Variants in NID2 observed in about 807,000 individuals in gnomAD.
NID2 encodes nidogen 2, also known as nidogen-2.
In NID2, 83 loss-of-function variants were observed where a neutral mutation model predicts 145.4. That is an observed-to-expected ratio of 0.57 (90% CI 0.48 to 0.69). The LOEUF (loss-of-function observed/expected upper bound fraction) is 0.69, where lower values mean the gene tolerates loss of function less well. Among genes scored for constraint, NID2 ranks in the 30% least tolerant of loss-of-function variants. The pLI is 0.00. For missense variants in NID2, 1,807 were observed against 1,765.7 expected (o/e 1.02, Z -0.42); for synonymous variants, 739 against 701.3 (o/e 1.05, Z -0.85).
At chr14:52,065,090 A>AT (rs34104905) in intron 2 of NID2, among the ~76,000 whole-genome samples, 35,279 of 151,470 alleles carry the variant, frequency 0.23, 5,023 homozygotes, top group East Asian at 0.51. Flanking sequence ...ATTTGTTCAC[A>AT]TTTTTTTTTC....
intron 2 of NID2, among the ~76,000 whole-genome samples, chr14:52,065,306 T>C (rs2140437428): frequency 6.6e-6 from 1 of 152,230 alleles, no homozygotes; most frequent in Non-Finnish European, 1.5e-5. Flanking sequence ...AACTCAGTCC[T>C]TCAAGCAAAT....
intron 14 of NID2, 135 bp from the exon 15 acceptor site, chr14:52,015,410 G>T: frequency 2.7e-6 from 2 of 737,450 alleles, no homozygotes; most frequent in South Asian, 2.0e-5. Flanking sequence ...AGCCAAGCCC[G>T]TGGACACCAA....
chr14:52,062,821 T>G (rs1893057646), intron 2 of NID2, among the ~76,000 whole-genome samples: 1 of 152,208 alleles, frequency 6.6e-6, no homozygotes, highest in Non-Finnish European at 1.5e-5. Context: ...ATTTTATTCA[T>G]TCATTCATTC....
intron 5 of NID2, 151 bp downstream of exon 5, chr14:52,053,428 T>A (rs8019428): frequency 0.039 from 32,915 of 839,024 alleles, 773 homozygotes; most frequent in African/African-American, 0.06. Context: ...GGAAATTTAC[T>A]CTATCTCTTG....
chr14:52,066,757 A>G (rs927963311), intron 2 of NID2, among the ~76,000 whole-genome samples: 3 of 152,204 alleles, frequency 2.0e-5, no homozygotes, highest in African/African-American at 4.8e-5. Flanking sequence ...GAGATGAATC[A>G]TATGGTTTCA....
chr14:52,020,097 T>G lies in NID2; in HGVS notation c.2756A>C (p.Gln919Pro). ...AAATCCATCCCCATAATATCCGGGT[T>G]GACAACGGCAGGAGAAGGAACCAGG... ...NTPGSFSCRC[Q>P]PGYYGDGFQC... The change falls in exon 13 of 22, where the codon CAA (glutamine) becomes CCA (proline). Residue 919 changes from glutamine to proline, a missense_variant. By Grantham distance (76) the Gln-to-Pro change is moderately conservative (BLOSUM62 -1). Transcript: ENST00000216286. 1 of 1,614,150 alleles carries G rather than the reference T, an allele frequency of 6.2e-7. No homozygotes were observed. Among genetic ancestry groups the G allele is most frequent in the Non-Finnish European group, 8.5e-7 (1 of 1,179,974 alleles).
intron 13 of NID2, among the ~76,000 whole-genome samples, chr14:52,019,667 C>T (rs892579772): frequency 6.6e-6 from 1 of 151,862 alleles, no homozygotes; most frequent in Non-Finnish European, 1.5e-5. Context: ...TCACCACTCA[C>T]GAGACTGCAC....
rs779550100 is a variant in NID2, at chr14:52,010,921, G to C, written c.3677C>G (p.Thr1226Arg). 6.2e-7 allele frequency: 1 copy of C among 1,613,806 alleles called. No individual in the cohort carries two copies. The highest frequency in any genetic ancestry group is 1.3e-5 in the African/African-American group (1 of 74,934). ...GATGGCACGGGGATTCACCAGATCT[G>C]TGTAGAAGAGGACCTTGCGCTCAGA... ...DGSERKVLFY[T>R]DLVNPRAIAV... Residue 1226 changes from threonine to arginine, a missense_variant, in exon 18 of 22, where the codon ACA (threonine) becomes AGA (arginine). Physicochemically the swap from Thr to Arg is moderately conservative, Grantham distance 71 (BLOSUM62 -1). Coordinates refer to ENST00000216286, the MANE Select transcript of NID2 (RefSeq NM_007361.4).
At chr14:52,051,586 C>T (rs1892681349) in intron 5 of NID2, among the ~76,000 whole-genome samples, 1 of 152,226 alleles carries the variant, frequency 6.6e-6, no homozygotes, top group Admixed American at 6.5e-5. Context: ...CCGGAGGAAG[C>T]CCACACTTAC....
intron 9 of NID2, among the ~76,000 whole-genome samples, chr14:52,030,501 G>GAGAA (rs1202413800): frequency 1.4e-4 from 5 of 34,936 alleles, no homozygotes; most frequent in African/African-American, 4.4e-4. Flanking sequence ...AAGAAAGAAA[G>GAGAA]AGAAAGAAAG....
intron 3 of NID2, among the ~76,000 whole-genome samples, chr14:52,058,815 G>T (rs2140429040): frequency 6.6e-6 from 1 of 152,070 alleles, no homozygotes; most frequent in African/African-American, 2.4e-5. Context: ...CTTGGCCATT[G>T]TGACCTCTCT....
chr14:52,045,161 G>A (rs1892442061), intron 5 of NID2, among the ~76,000 whole-genome samples: 1 of 152,120 alleles, frequency 6.6e-6, no homozygotes, highest in Admixed American at 6.5e-5. Context: ...AGTATAATTC[G>A]AGTCATACTT....
At chr14:52,036,086 G>A (rs532454389) in intron 9 of NID2, among the ~76,000 whole-genome samples, 31 of 152,030 alleles carry the variant, frequency 2.0e-4, no homozygotes, top group Middle Eastern at 3.4e-3. Flanking sequence ...TCTATTCAGT[G>A]TTATCCAACC....
chr14:52,007,764 C>T (rs752505774), intron 19 of NID2, 46 bp downstream of exon 19: 2 of 1,498,044 alleles, frequency 1.3e-6, no homozygotes, highest in East Asian at 4.5e-5. Flanking sequence ...TGCTCACATT[C>T]ACTGTGATGA....
intron 3 of NID2, among the ~76,000 whole-genome samples, chr14:52,059,135 G>A (rs971330352): frequency 6.6e-6 from 1 of 152,216 alleles, no homozygotes; most frequent in Non-Finnish European, 1.5e-5. Context: ...GAAAATAGTA[G>A]TACTAACCTA....
chr14:52,048,778 C>T (rs955298480), intron 5 of NID2, among the ~76,000 whole-genome samples: 2 of 152,066 alleles, frequency 1.3e-5, no homozygotes, highest in African/African-American at 4.8e-5. Context: ...ATAGTATGGT[C>T]AGGGAAGACC....
At chr14:52,027,463 C>T (rs764630857) in intron 11 of NID2, 119 bp from the exon 12 acceptor site, 10 of 813,918 alleles carry the variant, frequency 1.2e-5, no homozygotes, top group Non-Finnish European at 1.8e-5. Context: ...GTTCTCAGAC[C>T]CTACCCAAGG....
At chr14:52,037,168 A>G (rs761934902) in intron 9 of NID2, among the ~76,000 whole-genome samples, 1 of 152,178 alleles carries the variant, frequency 6.6e-6, no homozygotes, top group Non-Finnish European at 1.5e-5. Flanking sequence ...GTTCAACTTC[A>G]TTCTTTTGTA....
Position 52,015,140 on chromosome 14 carries a change from T to A in NID2, c.3164A>T (p.His1055Leu). The change falls in exon 15 of 22, where the codon CAC becomes CTC. Residue 1055 changes from histidine to leucine, a missense_variant. Coordinates refer to ENST00000216286, the MANE Select transcript of NID2 (RefSeq NM_007361.4). ...ACACCAGCAGAAGTCGCTCTTTCCG[T>A]GGCACTGCAGGGGGATGAAGTGGCC... ...DLGHFIPLQC[H>L]GKSDFCWCVD... 6.2e-7 allele frequency: 1 copy of A among 1,614,052 alleles called. No individual in the cohort carries two copies. The highest frequency in any genetic ancestry group is 8.5e-7 in the Non-Finnish European group (1 of 1,180,026).
Sources: gnomAD v4.1 joint callset for allele counts (sites outside exome capture counted in the v4.1 genomes callset) on GRCh38, gnomAD v4.1.1 for gene constraint, MANE v1.5 for transcripts, NCBI Gene and HGNC (gene_info 2026-07-23, HGNC 2026-07-21) for gene names.